The following CD3E variants were observed in gnomAD, a reference collection of about 807,000 sequenced individuals.
CD3E encodes CD3 epsilon subunit of T-cell receptor complex.
Under a neutral mutation model 34.7 loss-of-function variants are expected in CD3E, and 16 were observed. The observed-to-expected ratio is 0.46, with a 90% confidence interval of 0.31 to 0.70. CD3E has a LOEUF of 0.70. CD3E is among the 30% of genes least tolerant of loss of function. CD3E has a pLI of 0.05. For missense variants in CD3E, 223 were observed against 253.9 expected, an observed-to-expected ratio of 0.88 and a Z score of 0.83; for synonymous variants, 70 against 90.8, an observed-to-expected ratio of 0.77 and a Z score of 1.30.
At chr11:118,312,317 T>C in intron 5 of CD3E, 147 bp downstream of exon 5, 4 of 865,620 alleles carry the variant, frequency 4.6e-6, no homozygotes, top group East Asian at 2.4e-5. Flanking sequence ...AGGTTCCAAA[T>C]AGGGACTTCT....
chr11:118,305,072 T>C (rs1948098530), intron 2 of CD3E, 71 bp downstream of exon 2: 3 of 1,355,412 alleles, frequency 2.2e-6, no homozygotes, highest in Non-Finnish European at 3.2e-6. Flanking sequence ...TACCTGGCAC[T>C]GCCTAGTGGC....
In CD3E at chr11:118,315,856, T is replaced by C; in HGVS notation, c.*314T>C. ...TTCCCTTTGGATGTAACTTCTCCGT[T>C]CAGTTCCCTCCTTTTCTTGCATGTA... is the stretch of plus-strand genomic sequence containing the variant. On this transcript the variant is annotated 3_prime_UTR_variant, in exon 9 of 9. Coordinates refer to ENST00000361763, the MANE Select transcript of CD3E (RefSeq NM_000733.4). The C allele has an allele frequency of 2.0e-6, 1 of 504,408 alleles. No individual in the cohort carries two copies. Among genetic ancestry groups the C allele is most frequent in the Non-Finnish European group, 3.6e-6 (1 of 279,698 alleles). 31.2% of individuals were successfully genotyped at this position (504,408 alleles called of 1,614,324 possible).
At position 118,304,781 on chromosome 11, in the gene CD3E, GTCTC is replaced by G; in HGVS notation, c.-60+11_-60+14del. 2 of 730,480 alleles carry G rather than the reference GTCTC, an allele frequency of 2.7e-6. No individual in the cohort carries two copies. Among genetic ancestry groups the G allele is most frequent in the Non-Finnish European group, 5.0e-6 (2 of 398,606 alleles). 45.2% of individuals were successfully genotyped at this position (730,480 alleles called of 1,614,324 possible). A position where few individuals can be genotyped will look rare whatever the true frequency, so the allele number is the denominator to read the frequency against. On this transcript the variant is annotated splice_donor_region_variant and intron_variant, in intron 1 of 8. Coordinates refer to ENST00000361763, the MANE Select transcript of CD3E (RefSeq NM_000733.4). ...AGGTGCCTGCTTCAGAAAATGGTGA[GTCTC>G]TCTCTTATAAAGCCCTCCTTTTTCA...
chr11:118,315,866 C>A lies in CD3E; in HGVS notation c.*324C>A. 2.1e-6 allele frequency: 1 copy of A among 474,462 alleles called. No individual in the cohort carries two copies. The highest frequency in any genetic ancestry group is 2.4e-5 in the South Asian group (1 of 41,262). The allele number at this position is 474,462 out of a possible 1,614,324, so 29.4% of individuals were successfully genotyped here. ...ATGTAACTTCTCCGTTCAGTTCCCT[C>A]CTTTTCTTGCATGTAAGTTGTCCCC... On this transcript the variant is annotated 3_prime_UTR_variant, in exon 9 of 9. Coordinates refer to ENST00000361763, the MANE Select transcript of CD3E (RefSeq NM_000733.4).
At chr11:118,312,033 GA>G in intron 4 of CD3E, 119 bp from the exon 5 acceptor site, 2 of 847,304 alleles carry the variant, frequency 2.4e-6, no homozygotes, top group South Asian at 2.7e-5. Flanking sequence ...TTCCTAAATG[GA>G]TGAGACCCTC....
intron 2 of CD3E, 152 bp downstream of exon 2, chr11:118,305,153 G>A: frequency 1.2e-6 from 1 of 827,756 alleles, no homozygotes; most frequent in South Asian, 1.4e-5. Flanking sequence ...TAGAGCTGGG[G>A]ACTAAAGAAA....
At position 118,314,960 on chromosome 11, in the gene CD3E, T is replaced by TACACAC. The variant is rs58102034; in HGVS notation, c.568-491_568-486dup. Among the ~76,000 whole-genome samples, 703 of 143,726 alleles carry TACACAC rather than the reference T, an allele frequency of 4.9e-3. 7 individuals carry two copies. The highest frequency in any genetic ancestry group is 0.028 in the Admixed American group (406 of 14,422). The allele number at this position is 143,726 out of a possible 152,430, so 94.3% of individuals were successfully genotyped here. A position where few individuals can be genotyped will look rare whatever the true frequency, so the allele number is the denominator to read the frequency against. ...CCCAACCCACCCTTACACACACACA[T>TACACAC]ACACACACACACACACACACACACA... On this transcript the variant is annotated intron_variant, in intron 8 of 8. Coordinates refer to ENST00000361763, the MANE Select transcript of CD3E (RefSeq NM_000733.4).
intron 8 of CD3E, 41 bp from the exon 9 acceptor site, chr11:118,315,445 C>G (rs1264111672): frequency 1.3e-6 from 2 of 1,576,888 alleles, no homozygotes; most frequent in South Asian, 1.1e-5. Context: ...GAGGTACTTC[C>G]TCCCGCACCA....
At chr11:118,311,735 A>G (rs755643015) in intron 4 of CD3E, among the ~76,000 whole-genome samples, 16 of 152,204 alleles carry the variant, frequency 1.1e-4, no homozygotes, top group South Asian at 2.1e-4. Context: ...AAGCAAATCT[A>G]AGACCTGGAT....
intron 4 of CD3E, among the ~76,000 whole-genome samples, 170 bp downstream of exon 4, chr11:118,308,611 T>C (rs187269023): frequency 1.1e-4 from 16 of 152,350 alleles, no homozygotes; most frequent in Admixed American, 5.2e-4. Context: ...CTAGCTGTCA[T>C]GTCAGATTAT....
chr11:118,306,189 AAAG>A (rs1302581463), intron 2 of CD3E, among the ~76,000 whole-genome samples: 7 of 151,936 alleles, frequency 4.6e-5, no homozygotes, highest in Admixed American at 6.6e-5. Flanking sequence ...TCCTTAAAAA[AAAG>A]AAGAAGGAGG....
chr11:118,312,240 G>A (rs1948139555), intron 5 of CD3E, 70 bp downstream of exon 5: 1 of 1,256,012 alleles, frequency 8.0e-7, no homozygotes, highest in African/African-American at 1.5e-5. Flanking sequence ...AGAAGGAACT[G>A]ATTGAGAGAG....
At chr11:118,315,218 C>T (rs540099906) in intron 8 of CD3E, among the ~76,000 whole-genome samples, 1 of 152,296 alleles carries the variant, frequency 6.6e-6, no homozygotes, top group Admixed American at 6.5e-5. Context: ...GTAGTATTTA[C>T]TTTAGCTTAA....
chr11:118,312,231 G>A, intron 5 of CD3E, 61 bp downstream of exon 5: 1 of 1,377,464 alleles, frequency 7.3e-7, no homozygotes, highest in Non-Finnish European at 1.0e-6. Context: ...GGGTAGATGA[G>A]AAGGAACTGA....
Position 118,304,752 on chromosome 11 carries a change from C to A in CD3E, c.-84C>A. On this transcript the variant is annotated 5_prime_UTR_variant, in exon 1 of 9. Coordinates refer to ENST00000361763, the MANE Select transcript of CD3E (RefSeq NM_000733.4). ...TTCAGAAACCCTCCTCCCCTCCCAGCCTCAGGTGCCTGCTTCAGAAAATGG... is the reference window on the plus strand; with the variant it reads ...TTCAGAAACCCTCCTCCCCTCCCAGACTCAGGTGCCTGCTTCAGAAAATGG... 2 of 639,692 alleles carry A rather than the reference C, an allele frequency of 3.1e-6. No individual in the cohort carries two copies. The highest frequency in any genetic ancestry group is 5.7e-6 in the Non-Finnish European group (2 of 350,410). The allele number at this position is 639,692 out of a possible 1,614,324, so 39.6% of individuals were successfully genotyped here.
chr11:118,314,528 A>AG, intron 8 of CD3E, 34 bp downstream of exon 8: 1 of 1,601,510 alleles, frequency 6.2e-7, no homozygotes, highest in Non-Finnish European at 8.6e-7. Flanking sequence ...AGGACGCTGG[A>AG]GGGGATGTCC....
Position 118,312,827 on chromosome 11 carries a change from C to T in CD3E, c.313C>T (p.Pro105Ser), listed in dbSNP as rs1258864566. The change falls in exon 6 of 9, where the codon CCA becomes TCA. Residue 105 changes from proline to serine, a missense_variant. Coordinates refer to ENST00000361763, the MANE Select transcript of CD3E (RefSeq NM_000733.4). Reference sequence around the variant, plus strand: ...TGTCTGCTACCCCAGAGGAAGCAAACCAGAAGATGCGAACTTTTATCTCTA... The same window carrying T: ...TGTCTGCTACCCCAGAGGAAGCAAATCAGAAGATGCGAACTTTTATCTCTA... ...YYVCYPRGSKPEDANFYLYLR... is the reference protein window; with the variant it reads ...YYVCYPRGSKSEDANFYLYLR... The T allele has an allele frequency of 6.2e-7, 1 of 1,614,124 alleles. No individual in the cohort carries two copies. The highest frequency in any genetic ancestry group is 8.5e-7 in the Non-Finnish European group (1 of 1,180,030).
intron 2 of CD3E, among the ~76,000 whole-genome samples, chr11:118,306,939 A>C (rs1025727352): frequency 6.6e-6 from 1 of 152,208 alleles, no homozygotes; most frequent in African/African-American, 2.4e-5. Flanking sequence ...TTCCACAGAC[A>C]CCAATGTTCA....
chr11:118,312,660 G>T lies in CD3E; in HGVS notation c.146G>T (p.Cys49Phe), dbSNP rs1423326426. The T allele has an allele frequency of 6.2e-7, 1 of 1,613,770 alleles. No homozygotes were observed. Among genetic ancestry groups the T allele is most frequent in the Non-Finnish European group, 8.5e-7 (1 of 1,179,798 alleles). ...SISGTTVILT[C>F]PQYPGSEILW... is the part of the protein sequence containing the mutation. ...TCTGGAACCACAGTAATATTGACAT[G>T]CCCTCAGTATCCTGGATCTGAAATA... The change falls in exon 6 of 9, where the codon TGC becomes TTC. Residue 49 changes from cysteine to phenylalanine, a missense_variant. Cys to Phe is a radical substitution (Grantham distance 205). Coordinates refer to ENST00000361763, the MANE Select transcript of CD3E (RefSeq NM_000733.4).
Sources: gnomAD v4.1 joint callset for allele counts (sites outside exome capture counted in the v4.1 genomes callset) on GRCh38, gnomAD v4.1.1 for gene constraint, MANE v1.5 for transcripts, NCBI Gene and HGNC (gene_info 2026-07-23, HGNC 2026-07-21) for gene names.